The following OTUD7A variants were observed in gnomAD, a reference collection of about 807,000 sequenced individuals.
OTUD7A encodes the protein OTU deubiquitinase 7A.
A neutral mutation model predicts 65.7 loss-of-function variants in OTUD7A; 12 were observed. The ratio of observed to expected loss-of-function variants is 0.18; its 90% CI spans 0.12 to 0.30. OTUD7A has a LOEUF of 0.30. Among genes scored for constraint, OTUD7A ranks in the 10% least tolerant of loss-of-function variants. The pLI is 1.00. For missense variants in OTUD7A, 1,148 were observed against 1,304.8 expected (o/e 0.88, Z 1.85); for synonymous variants, 641 against 586.3 (o/e 1.09, Z -1.35).
rs1013358083 is a variant in OTUD7A, at chr15:31,481,259, A to G, written c.*2035T>C. 20 of 152,160 alleles carry G rather than the reference A, an allele frequency of 1.3e-4. No individual in the cohort carries two copies. The highest frequency in any genetic ancestry group is 4.6e-4 in the African/African-American group (19 of 41,430). The allele number at this position is 152,160 out of a possible 1,614,324, so 9.4% of individuals were successfully genotyped here. ...TGGTTTCTGAATGGATTATTGGAGC[A>G]TTTTTAAGGTTGGGTGTCTCAATCT... On this transcript the variant is annotated 3_prime_UTR_variant, in exon 13 of 13. Coordinates refer to ENST00000307050, the MANE Select transcript of OTUD7A (RefSeq NM_001382637.1).
chr15:31,526,267 G>A (rs1021022160), intron 8 of OTUD7A, 82 bp downstream of exon 8: 15 of 1,287,864 alleles, frequency 1.2e-5, no homozygotes, highest in African/African-American at 7.4e-5. Context: ...ATTCCCCCCC[G>A]TGCCATCCCC....
chr15:31,653,255 CAA>C (rs113670546), intron 3 of OTUD7A, among the ~76,000 whole-genome samples: 6 of 122,820 alleles, frequency 4.9e-5, no homozygotes, highest in Non-Finnish European at 3.5e-5. Flanking sequence ...TCTGTGTCAC[CAA>C]AAAAAAAAAA....
At chr15:31,743,955 TA>T (rs1405839101) in intron 1 of OTUD7A, among the ~76,000 whole-genome samples, 1 of 152,004 alleles carries the variant, frequency 6.6e-6, no homozygotes, top group East Asian at 1.9e-4. Flanking sequence ...TCTACACATA[TA>T]AAAAGAATAA....
In OTUD7A at chr15:31,483,006, G is replaced by A. The variant is rs113723796; in HGVS notation, c.*288C>T. ...CGAATTTCTTTATTTCTCTTACTGA[G>A]GAACAAAAATACTCTTGCAATGGCT... On this transcript the variant is annotated 3_prime_UTR_variant, in exon 13 of 13. Transcript: ENST00000307050. The A allele has an allele frequency of 0.013, 2,059 of 161,800 alleles. 16 individuals carry two copies. Among genetic ancestry groups the A allele is most frequent in the African/African-American group, 0.021 (859 of 41,674 alleles). 10.0% of individuals were successfully genotyped at this position (161,800 alleles called of 1,614,324 possible). A position where few individuals can be genotyped will look rare whatever the true frequency, so the allele number is the denominator to read the frequency against.
At chr15:31,663,281 AC>A (rs1275706188) in intron 1 of OTUD7A, among the ~76,000 whole-genome samples, 1 of 150,394 alleles carries the variant, frequency 6.6e-6, no homozygotes, top group Non-Finnish European at 1.5e-5. Flanking sequence ...ACACACACAC[AC>A]AAGTTTTTAA....
At chr15:31,717,164 A>G (rs1396515074) in intron 1 of OTUD7A, among the ~76,000 whole-genome samples, 1 of 152,138 alleles carries the variant, frequency 6.6e-6, no homozygotes, top group East Asian at 1.9e-4. Context: ...AGGATCCCAC[A>G]TTGCATTTCG....
At chr15:31,672,005 T>C (rs1892496471) in intron 1 of OTUD7A, among the ~76,000 whole-genome samples, 1 of 152,236 alleles carries the variant, frequency 6.6e-6, no homozygotes, top group Non-Finnish European at 1.5e-5. Context: ...CACTTTTAAG[T>C]AAGAACACGC....
chr15:31,852,437 T>C (rs915215942), intron 1 of OTUD7A, among the ~76,000 whole-genome samples: 3 of 152,236 alleles, frequency 2.0e-5, no homozygotes, highest in African/African-American at 7.2e-5. Context: ...AACATATAAC[T>C]ATTTTAAACT....
chr15:31,720,617 C>G (rs1248152797), intron 1 of OTUD7A, among the ~76,000 whole-genome samples: 2 of 152,116 alleles, frequency 1.3e-5, no homozygotes, highest in Admixed American at 1.3e-4. Context: ...AGCCAGGATG[C>G]TCTCAATCTC....
intron 1 of OTUD7A, among the ~76,000 whole-genome samples, chr15:31,750,129 C>T (rs915053881): frequency 5.3e-5 from 8 of 152,062 alleles, no homozygotes; most frequent in African/African-American, 1.2e-4. Context: ...AATGTTCGAC[C>T]GGGCATGGTG....
At chr15:31,730,329 G>A (rs1266334206) in intron 1 of OTUD7A, among the ~76,000 whole-genome samples, 1 of 152,184 alleles carries the variant, frequency 6.6e-6, no homozygotes, top group Admixed American at 6.5e-5. Context: ...TGCATTTAAA[G>A]CTCTTACCTC....
intron 1 of OTUD7A, among the ~76,000 whole-genome samples, chr15:31,832,934 A>G (rs1896971475): frequency 6.6e-6 from 1 of 152,186 alleles, no homozygotes; most frequent in African/African-American, 2.4e-5. Flanking sequence ...CTTCATGTTC[A>G]ATTCTTTTGG....
rs373761644 is a variant in OTUD7A, at chr15:31,803,908, T to C, written c.-100+66599A>G. 2.7e-4 allele frequency among the ~76,000 whole-genome samples: 41 copies of C among 152,332 alleles called. No homozygotes were observed. The South Asian group carries it at 7.7e-3, about 28-fold the overall frequency. ...AGTTCTCATCCCAGCTGAGCACATCTGCTAAAAAGCCCAAAGCTTCCTTCC... is the reference window on the plus strand; with the variant it reads ...AGTTCTCATCCCAGCTGAGCACATCCGCTAAAAAGCCCAAAGCTTCCTTCC... On this transcript the variant is annotated intron_variant, in intron 1 of 12. Coordinates refer to ENST00000307050, the MANE Select transcript of OTUD7A (RefSeq NM_001382637.1).
intron 1 of OTUD7A, among the ~76,000 whole-genome samples, chr15:31,739,011 G>A (rs184284549): frequency 3.9e-4 from 59 of 149,544 alleles, no homozygotes; most frequent in African/African-American, 1.4e-3. Context: ...CTGTCCACTC[G>A]CTGGGGGCTT....
At chr15:31,485,047 A>G (rs8030096) in intron 12 of OTUD7A, among the ~76,000 whole-genome samples, 61,896 of 152,056 alleles carry the variant, frequency 0.41, 12,942 homozygotes, top group East Asian at 0.55. Context: ...AACCCTGAGT[A>G]GGGTATTGCA....
intron 4 of OTUD7A, among the ~76,000 whole-genome samples, chr15:31,568,800 T>A (rs1245076462): frequency 6.6e-6 from 1 of 152,206 alleles, no homozygotes; most frequent in Non-Finnish European, 1.5e-5. Context: ...TTTAAAAGTA[T>A]GCAGCACCTC....
intron 1 of OTUD7A, among the ~76,000 whole-genome samples, chr15:31,731,469 G>A (rs1411925369): frequency 6.6e-6 from 1 of 152,134 alleles, no homozygotes; most frequent in Non-Finnish European, 1.5e-5. Flanking sequence ...TGAAAAGGCT[G>A]CATACTTTAT....
At position 31,484,405 on chromosome 15, in the gene OTUD7A, G is replaced by A; in HGVS notation, c.1691C>T (p.Ala564Val). 1 of 1,601,612 alleles carries A rather than the reference G, an allele frequency of 6.2e-7. No individual in the cohort carries two copies. ...GGCCTTCTTCTCCTTGCCCCGCTCG[G>A]CCGAGTCCCCGTTCTTGCCATTGGC... is the stretch of plus-strand genomic sequence containing the variant. ...NSANGKNGDS[A>V]ERGKEKKAKS... Residue 564 changes from alanine to valine, a missense_variant, in exon 13 of 13, where the codon GCC (alanine) becomes GTC (valine). Ala to Val is a moderately conservative substitution (Grantham distance 64). Coordinates refer to ENST00000307050, the MANE Select transcript of OTUD7A (RefSeq NM_001382637.1). This position sits in a 1 kb window ranked among gnomAD's most constrained non-coding sequence, Gnocchi z 4.5.
chr15:31,597,730 G>T (rs1029030410), intron 3 of OTUD7A, among the ~76,000 whole-genome samples: 50 of 152,072 alleles, frequency 3.3e-4, no homozygotes, highest in African/African-American at 1.2e-3. Context: ...TCAGCTTCCA[G>T]CAGTACCCCA....
Sources: allele counts gnomAD v4.1 joint callset (sites outside exome capture counted in the v4.1 genomes callset), GRCh38; gene constraint gnomAD v4.1.1; non-coding constraint Gnocchi (gnomAD v3.1); transcripts MANE v1.5; gene names NCBI Gene and HGNC (gene_info 2026-07-23, HGNC 2026-07-21).